The following GON4L variants were observed in gnomAD, a reference collection of about 807,000 sequenced individuals.
GON4L encodes the protein GON-4-like protein.
In GON4L, 87 loss-of-function variants were observed where a neutral mutation model predicts 211.8. The observed-to-expected ratio is 0.41, with a 90% CI of 0.35 to 0.49. The LOEUF is 0.49. Ranked by LOEUF, GON4L falls within the 20% of genes least tolerant of loss-of-function variation. GON4L has a pLI of 0.15. For synonymous variants in GON4L, 875 were observed against 962.6 expected (o/e 0.91, Z 1.68); for missense variants, 2,155 against 2,659.5 (o/e 0.81, Z 4.17).
At chr1:155,796,828 T>A (rs557222810) in intron 11 of GON4L, among the ~76,000 whole-genome samples, 288 of 145,702 alleles carry the variant, frequency 2.0e-3, no homozygotes, top group African/African-American at 6.8e-3. Context: ...GGAACTGATT[T>A]AAAAAAAAAA....
chr1:155,853,162 T>A, intron 2 of GON4L, 114 bp downstream of exon 2: 1 of 1,001,078 alleles, frequency 1.0e-6, no homozygotes, highest in Non-Finnish European at 1.6e-6. Flanking sequence ...CAGTTCCAAT[T>A]CCGTACCAAA....
intron 12 of GON4L, among the ~76,000 whole-genome samples, chr1:155,794,750 C>A (rs1357050366): frequency 1.3e-5 from 2 of 152,098 alleles, no homozygotes; most frequent in African/African-American, 4.8e-5. Context: ...GTAACTTTTT[C>A]TGTTTCTATC....
At chr1:155,807,712 A>AG (rs1185807204) in intron 10 of GON4L, among the ~76,000 whole-genome samples, 1 of 148,216 alleles carries the variant, frequency 6.7e-6, no homozygotes, top group Non-Finnish European at 1.5e-5. Context: ...TCAAAAAAAA[A>AG]AAAAAAAAAA....
At chr1:155,840,502 T>C (rs822497) in intron 2 of GON4L, among the ~76,000 whole-genome samples, 127,124 of 152,120 alleles carry the variant, frequency 0.84, 55,555 homozygotes, top group East Asian at 1. Context: ...CACTGCAAGG[T>C]TGTGATATAT....
intron 24 of GON4L, 133 bp downstream of exon 24, chr1:155,760,311 T>C (rs1392730246): frequency 1.8e-6 from 1 of 555,036 alleles, no homozygotes; most frequent in Non-Finnish European, 3.2e-6. Flanking sequence ...GAGGCTTTTA[T>C]CACTCTGGGC....
At chr1:155,854,607 A>T (rs1672107014) in intron 1 of GON4L, among the ~76,000 whole-genome samples, 2 of 152,242 alleles carry the variant, frequency 1.3e-5, no homozygotes, top group African/African-American at 4.8e-5. Context: ...GTCTTCAGCT[A>T]TAAAATGGAA....
At chr1:155,784,915 A>T in intron 13 of GON4L, 1 of 296,916 alleles carries the variant, frequency 3.4e-6, no homozygotes, top group Non-Finnish European at 6.6e-6. Flanking sequence ...AAGTTCCAGA[A>T]CAACCTGAGC....
At chr1:155,793,848 A>G (rs1665830385) in intron 12 of GON4L, among the ~76,000 whole-genome samples, 1 of 152,146 alleles carries the variant, frequency 6.6e-6, no homozygotes, top group Non-Finnish European at 1.5e-5. Context: ...AAGCTCAAGC[A>G]ATCTTCCTGC....
Position 155,813,750 on chromosome 1 carries a change from T to C in GON4L, c.1336A>G (p.Met446Val). The C allele has an allele frequency of 2.5e-6, 4 of 1,613,880 alleles. No individual in the cohort carries two copies. The highest frequency in any genetic ancestry group is 3.4e-6 in the Non-Finnish European group (4 of 1,179,768). The change falls in exon 10 of 32, where the codon ATG becomes GTG. Residue 446 changes from methionine to valine, a missense_variant. Coordinates refer to ENST00000368331, the MANE Select transcript of GON4L (RefSeq NM_001282860.2). ...GGCTTTGGAGGGGGCGGGGGCCCCA[T>C]GGGCACTACCTCAGCACTGATGTGC... is the stretch of plus-strand genomic sequence containing the variant. ...IRHISAEVVP[M>V]GPPPPPKPKQ...
intron 1 of GON4L, among the ~76,000 whole-genome samples, chr1:155,856,064 A>G (rs1749415): frequency 0.87 from 130,830 of 150,506 alleles, 58,202 homozygotes; most frequent in East Asian, 1. Context: ...TAATAGAATA[A>G]GCCGCCTTGT....
chr1:155,778,534 AGCCACCAT>A (rs1664066181), intron 14 of GON4L, among the ~76,000 whole-genome samples: 1 of 152,194 alleles, frequency 6.6e-6, no homozygotes. Context: ...TACAGGCGTA[AGCCACCAT>A]GCCTAGCCCT....
chr1:155,843,060 T>C (rs1482073188), intron 2 of GON4L, among the ~76,000 whole-genome samples: 8 of 152,104 alleles, frequency 5.3e-5, no homozygotes, highest in African/African-American at 1.7e-4. Context: ...TGCAAACCTC[T>C]GGAAGACTTA....
At chr1:155,814,694 C>T (rs1450594878) in intron 8 of GON4L, among the ~76,000 whole-genome samples, 3 of 151,466 alleles carry the variant, frequency 2.0e-5, no homozygotes, top group African/African-American at 7.3e-5. Flanking sequence ...TGCAGTGAGC[C>T]GAGATCACGC....
At chr1:155,783,206 T>C (rs1664597529) in intron 14 of GON4L, among the ~76,000 whole-genome samples, 1 of 152,200 alleles carries the variant, frequency 6.6e-6, no homozygotes. Context: ...TTTTTAGACA[T>C]TGGTTGGCAT....
intron 8 of GON4L, among the ~76,000 whole-genome samples, chr1:155,814,826 A>C (rs1668098309): frequency 6.6e-6 from 1 of 152,138 alleles, no homozygotes; most frequent in African/African-American, 2.4e-5. Flanking sequence ...AGAAACTTAA[A>C]GGCCAGGTGC....
chr1:155,854,599 C>A (rs564119804), intron 1 of GON4L, among the ~76,000 whole-genome samples: 1 of 152,310 alleles, frequency 6.6e-6, no homozygotes, highest in East Asian at 1.9e-4. Context: ...ATCTCAGTGT[C>A]TTCAGCTATA....
chr1:155,781,337 G>A (rs1054933947), intron 14 of GON4L, among the ~76,000 whole-genome samples: 3 of 151,900 alleles, frequency 2.0e-5, no homozygotes, highest in Non-Finnish European at 2.9e-5. Context: ...GTAGAGACAA[G>A]GTTTCGCCAT....
At position 155,760,651 on chromosome 1, in the gene GON4L, A is replaced by G; in HGVS notation, c.4912-10T>C. The G allele has an allele frequency of 6.3e-7, 1 of 1,590,976 alleles. No homozygotes were observed. The highest frequency in any genetic ancestry group is 1.1e-5 in the South Asian group (1 of 90,552). ...GTAGGGCTTCTCGCACCTACACGGG[A>G]AGACTTTCAATCATCAACACCCTTT... On this transcript the variant is annotated splice_polypyrimidine_tract_variant and intron_variant, in intron 23 of 31. Transcript: ENST00000368331.
At chr1:155,747,925 C>T (rs755983569), downstream of GON4L, 11 of 1,557,192 alleles carry the variant, frequency 7.1e-6, no homozygotes, top group African/African-American at 8.2e-5. Flanking sequence ...AGTAAACATT[C>T]GAATCCCATT....
Sources: gnomAD v4.1 joint callset for allele counts (sites outside exome capture counted in the v4.1 genomes callset) on GRCh38, gnomAD v4.1.1 for gene constraint, MANE v1.5 for transcripts, NCBI Gene and HGNC (gene_info 2026-07-23, HGNC 2026-07-21) for gene names.